FBXO15: variants seen among roughly 807,000 people sequenced by gnomAD.
The protein encoded by FBXO15 is F-box protein 15, also known as F-box only protein 15.
Under a neutral mutation model 49.5 loss-of-function variants are expected in FBXO15, and 30 were observed. The observed-to-expected ratio is 0.61, with a 90% CI of 0.45 to 0.82. The LOEUF (loss-of-function observed/expected upper bound fraction) is 0.82. Among genes scored for constraint, FBXO15 ranks in the 40% least tolerant of loss-of-function variants. The pLI is 0.00. For synonymous variants in FBXO15, 250 were observed against 232.7 expected, an observed-to-expected ratio of 1.07 and a Z score of -0.68; for missense variants, 591 against 631.5, an observed-to-expected ratio of 0.94 and a Z score of 0.69.
intron 9 of FBXO15, chr18:74,076,217 T>C (rs1317921961): frequency 1.3e-5 from 2 of 152,320 alleles, no homozygotes; most frequent in Non-Finnish European, 2.9e-5. Context: ...CGCTTTAATT[T>C]TGTCCATCTC....
At chr18:74,146,988 A>T (rs954416636) in intron 1 of FBXO15, 4 of 152,230 alleles carry the variant, frequency 2.6e-5, no homozygotes, top group African/African-American at 9.7e-5. Flanking sequence ...ATGGGTACAC[A>T]GCTAGGGAAC....
intron 3 of FBXO15, among the ~76,000 whole-genome samples, chr18:74,132,008 G>T (rs1041243454): frequency 6.6e-6 from 1 of 152,164 alleles, no homozygotes; most frequent in Non-Finnish European, 1.5e-5. Flanking sequence ...ACAAATGCAA[G>T]CTCACATACA....
chr18:74,079,994 C>T (rs905798712), intron 9 of FBXO15, among the ~76,000 whole-genome samples: 9 of 152,196 alleles, frequency 5.9e-5, no homozygotes, highest in Admixed American at 2.0e-4. Context: ...TGACAGGCAT[C>T]GTAAACTATT....
At chr18:74,095,879 A>G (rs2145134920) in intron 8 of FBXO15, among the ~76,000 whole-genome samples, 1 of 152,318 alleles carries the variant, frequency 6.6e-6, no homozygotes, top group African/African-American at 2.4e-5. Context: ...CAAATGCACA[A>G]TGCTAAGATT....
At chr18:74,128,877 C>G (rs531619796) in intron 5 of FBXO15, among the ~76,000 whole-genome samples, 55 of 152,306 alleles carry the variant, frequency 3.6e-4, no homozygotes, top group African/African-American at 1.3e-3. Flanking sequence ...CGATCTTATT[C>G]ATTGCAGTCA....
At chr18:74,089,789 C>A (rs1392358145) in intron 8 of FBXO15, among the ~76,000 whole-genome samples, 1 of 152,102 alleles carries the variant, frequency 6.6e-6, no homozygotes, top group Non-Finnish European at 1.5e-5. Flanking sequence ...GGTGGATTAG[C>A]TTTTTGATGT....
chr18:74,113,434 T>A (rs1200641666), intron 8 of FBXO15, among the ~76,000 whole-genome samples: 2 of 152,140 alleles, frequency 1.3e-5, no homozygotes, highest in East Asian at 1.9e-4. Context: ...AACCCTGCCA[T>A]AAACTATGGT....
In FBXO15 at chr18:74,074,730, A is replaced by T. The variant is rs1206174377; in HGVS notation, c.1264-1000T>A. Among the ~76,000 whole-genome samples the T allele has an allele frequency of 6.6e-6, 1 of 152,258 alleles. No individual in the cohort carries two copies. The highest frequency in any genetic ancestry group is 1.5e-5 in the Non-Finnish European group (1 of 68,050). ...AAAGAACATAGTCGGCATGCATTAC[A>T]TACACTAAGCATAAACGTCATTTCA... On this transcript the variant is annotated intron_variant, in intron 9 of 9. Coordinates refer to ENST00000419743, the MANE Select transcript of FBXO15 (RefSeq NM_001142958.2). This position sits in a 1 kb window ranked among gnomAD's most constrained non-coding sequence, Gnocchi z 4.7.
Position 74,125,836 on chromosome 18 carries a change from G to T in FBXO15, c.912+139C>A, listed in dbSNP as rs548835700. The stretch of plus-strand genomic sequence containing the variant: ...GAGGGCCATGTTAGCTTGAAAAAAT[G>T]AAGTTGGTGAGATGGTAAAATGGAT... On this transcript the variant is annotated intron_variant, in intron 6 of 9. Transcript: ENST00000419743. The T allele has an allele frequency of 3.4e-6, 4 of 1,176,580 alleles. No individual in the cohort carries two copies. In the East Asian group the frequency reaches 7.7e-5, roughly 23 times the overall value. 72.9% of individuals were successfully genotyped at this position (1,176,580 alleles called of 1,614,324 possible).
At chr18:74,111,726 G>A (rs926876190) in intron 8 of FBXO15, among the ~76,000 whole-genome samples, 2 of 151,948 alleles carry the variant, frequency 1.3e-5, no homozygotes, top group African/African-American at 4.8e-5. Context: ...GAAGATCAAT[G>A]CAGAAAAATC....
intron 3 of FBXO15, among the ~76,000 whole-genome samples, chr18:74,135,415 G>A (rs1055815012): frequency 6.6e-6 from 1 of 152,214 alleles, no homozygotes; most frequent in Non-Finnish European, 1.5e-5. Context: ...TGCACGGCTA[G>A]GGTCAAAGCC....
Position 74,123,020 on chromosome 18 carries a change from C to T in FBXO15, c.1138+348G>A, listed in dbSNP as rs1914536421. The T allele has an allele frequency of 1.6e-5, 3 of 191,410 alleles. No individual in the cohort carries two copies. The East Asian group carries it at 4.4e-4, about 28-fold the overall frequency. The allele number at this position is 191,410 out of a possible 1,614,324, so 11.9% of individuals were successfully genotyped here. ...CTCTCATCCTGGAGCGGCACGGGCCCTGCTGGCAAATTTACCACATTCCTT... is the reference window on the plus strand; with the variant it reads ...CTCTCATCCTGGAGCGGCACGGGCCTTGCTGGCAAATTTACCACATTCCTT... On this transcript the variant is annotated intron_variant, in intron 8 of 9. Coordinates refer to ENST00000419743, the MANE Select transcript of FBXO15 (RefSeq NM_001142958.2).
At chr18:74,135,409 C>A (rs113345361) in intron 3 of FBXO15, among the ~76,000 whole-genome samples, 1 of 152,164 alleles carries the variant, frequency 6.6e-6, no homozygotes, top group African/African-American at 2.4e-5. Context: ...TGCGAATGCA[C>A]GGCTAGGGTC....
intron 9 of FBXO15, among the ~76,000 whole-genome samples, chr18:74,079,128 A>G (rs1338631823): frequency 6.6e-6 from 1 of 152,258 alleles, no homozygotes; most frequent in African/African-American, 2.4e-5. Flanking sequence ...TAGAAGTAAC[A>G]TTAAAATAAC....
intron 8 of FBXO15, among the ~76,000 whole-genome samples, chr18:74,112,153 G>C (rs1385346762): frequency 6.6e-6 from 1 of 152,116 alleles, no homozygotes; most frequent in African/African-American, 2.4e-5. Context: ...TCTTTCAAAA[G>C]ATAGAAGCAA....
chr18:74,128,921 T>C (rs551807374), intron 5 of FBXO15, among the ~76,000 whole-genome samples: 4 of 152,312 alleles, frequency 2.6e-5, no homozygotes, highest in Admixed American at 2.6e-4. Context: ...ATAACGATCA[T>C]TCCATTTCAT....
chr18:74,093,295 T>C (rs1327731862), intron 8 of FBXO15, among the ~76,000 whole-genome samples: 1 of 150,534 alleles, frequency 6.6e-6, no homozygotes, highest in Non-Finnish European at 1.5e-5. Context: ...AAGTACATGC[T>C]AGCAAAGTGG....
Position 74,124,512 on chromosome 18 carries a change from C to T in FBXO15, c.972G>A (p.Arg324=). ...ANLHFHHLVE[R]STLGSATIPY... is the part of the protein sequence containing the mutation. ...ACATAGTAGCCGAGCCTAATGTGCT[C>T]CTCTCCACAAGGTGATGAAAATGAA... The change falls in exon 7 of 10, where the codon AGG becomes AGA. Residue 324 remains arginine (R), a synonymous_variant. Transcript: ENST00000419743. 1 of 1,614,066 alleles carries T rather than the reference C, an allele frequency of 6.2e-7. No homozygotes were observed. Among genetic ancestry groups the T allele is most frequent in the East Asian group, 2.2e-5 (1 of 44,854 alleles).
intron 8 of FBXO15, chr18:74,097,862 C>T (rs1243245123): frequency 1.3e-5 from 2 of 152,338 alleles, no homozygotes; most frequent in Non-Finnish European, 2.9e-5. Flanking sequence ...GAGTCCACTT[C>T]ACTCCCTTGC....
Sources: allele counts gnomAD v4.1 joint callset (sites outside exome capture counted in the v4.1 genomes callset), GRCh38; gene constraint gnomAD v4.1.1; non-coding constraint Gnocchi (gnomAD v3.1); transcripts MANE v1.5; gene names NCBI Gene and HGNC (gene_info 2026-07-23, HGNC 2026-07-21).